Variants in RANBP2 observed in about 807,000 individuals in gnomAD.
RANBP2 encodes RAN binding protein 2, also known as E3 SUMO-protein ligase RanBP2.
In RANBP2, 57 loss-of-function variants were observed where a neutral mutation model predicts 303.6. That is an observed-to-expected ratio of 0.19 (90% CI 0.15 to 0.23). The LOEUF (loss-of-function observed/expected upper bound fraction) is 0.23. Among genes scored for constraint, RANBP2 ranks in the 10% least tolerant of loss-of-function variants. RANBP2 has a pLI of 1.00. For synonymous variants in RANBP2, 1,167 were observed against 1,301.5 expected (o/e 0.90, Z 2.23); for missense variants, 3,138 against 3,780.8 (o/e 0.83, Z 4.46).
rs3893829 is a variant in RANBP2, at chr2:108,729,712, T to G, written c.140+513T>G. ...ATTAAAGCAGGAAATTAAGAGGGAG[T>G]CAGGCTTTTTTTTTTTTTTTTTAGG... On this transcript the variant is annotated intron_variant, in intron 2 of 28. Coordinates refer to ENST00000283195, the MANE Select transcript of RANBP2 (RefSeq NM_006267.5). 7.5e-4 allele frequency among the ~76,000 whole-genome samples: 105 copies of G among 139,698 alleles called. No homozygotes were observed. In the East Asian group the frequency reaches 8.6e-3, roughly 11 times the overall value. 91.6% of individuals were successfully genotyped at this position (139,698 alleles called of 152,430 possible).
the RANBP2 span, among the ~76,000 whole-genome samples, chr2:109,176,265 G>C: frequency 6.6e-6 from 1 of 152,216 alleles, no homozygotes; most frequent in Non-Finnish European, 1.5e-5. Context: ...TAATAAAATA[G>C]AAAAGGGTAC....
chr2:109,251,036 CTG>C, the RANBP2 span, among the ~76,000 whole-genome samples: 2 of 151,894 alleles, frequency 1.3e-5, no homozygotes, highest in Non-Finnish European at 2.9e-5. Flanking sequence ...GAGTCTCACT[CTG>C]TCGCCCAGGC....
the RANBP2 span, among the ~76,000 whole-genome samples, chr2:108,946,723 C>A: frequency 6.6e-6 from 1 of 152,162 alleles, no homozygotes; most frequent in South Asian, 2.1e-4. Context: ...ACAACCAGAT[C>A]TCATGAGAAC....
At chr2:109,052,323 C>T in the RANBP2 span, among the ~76,000 whole-genome samples, 44 of 152,222 alleles carry the variant, frequency 2.9e-4, 1 homozygote, top group South Asian at 7.7e-3. Flanking sequence ...AAAATAAACG[C>T]AGATGGTACA....
At chr2:108,877,450 AGT>A in the RANBP2 span, among the ~76,000 whole-genome samples, 1 of 152,190 alleles carries the variant, frequency 6.6e-6, no homozygotes, top group Admixed American at 6.5e-5. Flanking sequence ...TGGGCAACAA[AGT>A]GAGATTCTGT....
the RANBP2 span, among the ~76,000 whole-genome samples, chr2:108,949,363 C>T: frequency 6.6e-6 from 1 of 152,186 alleles, no homozygotes; most frequent in African/African-American, 2.4e-5. Flanking sequence ...TATTCACATG[C>T]ACAATATCTG....
the RANBP2 span, among the ~76,000 whole-genome samples, chr2:108,877,287 G>A: frequency 7.7e-6 from 1 of 129,408 alleles, no homozygotes; most frequent in Middle Eastern, 3.7e-3. Flanking sequence ...TGCCAACATG[G>A]TGAAACCCCG....
chr2:108,829,835 G>A, the RANBP2 span, among the ~76,000 whole-genome samples: 3 of 152,212 alleles, frequency 2.0e-5, no homozygotes, highest in African/African-American at 7.2e-5. Context: ...TGATAGGAAT[G>A]TAAAATGCAG....
the RANBP2 span, among the ~76,000 whole-genome samples, chr2:109,728,110 A>G: frequency 6.6e-6 from 1 of 152,184 alleles, no homozygotes; most frequent in South Asian, 2.1e-4. Context: ...TGCTGTGAGG[A>G]AGCCCAATAG....
the RANBP2 span, among the ~76,000 whole-genome samples, chr2:108,966,407 C>T: frequency 6.6e-6 from 1 of 152,202 alleles, no homozygotes; most frequent in African/African-American, 2.4e-5. Context: ...GGAGGCCAGC[C>T]GCAGGCAGAG....
the RANBP2 span, among the ~76,000 whole-genome samples, chr2:109,153,630 C>T: frequency 2.6e-5 from 4 of 152,142 alleles, no homozygotes; most frequent in Non-Finnish European, 5.9e-5. Flanking sequence ...AAGAGTGTGG[C>T]ATAGTAAAAC....
the RANBP2 span, among the ~76,000 whole-genome samples, chr2:109,457,373 T>C: frequency 6.6e-6 from 1 of 152,222 alleles, no homozygotes; most frequent in Non-Finnish European, 1.5e-5. Context: ...TATTCAGAAG[T>C]AGGGTTTCAA....
the RANBP2 span, among the ~76,000 whole-genome samples, chr2:108,853,060 A>G: frequency 2.0e-5 from 3 of 152,210 alleles, no homozygotes; most frequent in East Asian, 5.8e-4. Context: ...GATCTACCTT[A>G]AGAAATAATT....
the RANBP2 span, among the ~76,000 whole-genome samples, chr2:109,410,826 A>C: frequency 6.7e-6 from 1 of 148,164 alleles, no homozygotes; most frequent in Non-Finnish European, 1.5e-5. Flanking sequence ...ACAGGGCTGC[A>C]CTTGGCTTTG....
downstream of RANBP2, among the ~76,000 whole-genome samples, chr2:108,787,728 T>G (rs1190231323): frequency 6.6e-6 from 1 of 152,010 alleles, no homozygotes; most frequent in Non-Finnish European, 1.5e-5. Flanking sequence ...TTTTGAGAAG[T>G]GTAAGAATTA....
the RANBP2 span, among the ~76,000 whole-genome samples, chr2:108,860,513 GT>G: frequency 0.021 from 2,960 of 141,972 alleles, 78 homozygotes; most frequent in African/African-American, 0.069. Flanking sequence ...GGTTGTTGAG[GT>G]TTTTTTTTTT....
At chr2:108,763,190 T>C in intron 19 of RANBP2, 47 bp from the exon 20 acceptor site, 1 of 1,589,656 alleles carries the variant, frequency 6.3e-7, no homozygotes, top group Non-Finnish European at 8.6e-7. Context: ...TAGTTATCTG[T>C]AGTTTTGTAG....
the RANBP2 span, among the ~76,000 whole-genome samples, chr2:109,135,163 C>G: frequency 6.6e-6 from 1 of 152,212 alleles, no homozygotes; most frequent in African/African-American, 2.4e-5. Flanking sequence ...TGTACTTAGT[C>G]TCCAAGTCGG....
chr2:109,154,127 T>C, the RANBP2 span, among the ~76,000 whole-genome samples: 1 of 152,172 alleles, frequency 6.6e-6, no homozygotes, highest in Non-Finnish European at 1.5e-5. Context: ...TGTTTAAAAC[T>C]GGTTTCTAGA....
Sources: gnomAD v4.1 joint callset for allele counts (sites outside exome capture counted in the v4.1 genomes callset) on GRCh38, gnomAD v4.1.1 for gene constraint, MANE v1.5 for transcripts, NCBI Gene and HGNC (gene_info 2026-07-23, HGNC 2026-07-21) for gene names.